The following OR2Z1 variants were observed in gnomAD, a reference collection of about 807,000 sequenced individuals.
OR2Z1 encodes olfactory receptor family 2 subfamily Z member 1, also known as olfactory receptor 2Z1.
For synonymous variants in OR2Z1, 188 were observed against 160.6 expected (o/e 1.17, Z -1.29); for missense variants, 449 against 401.8 (o/e 1.12, Z -1.00).
rs1299177639 is a variant in OR2Z1 at position 8,731,673 on chromosome 19, C to T, written c.645C>T (p.Ala215=). The change falls in exon 3 of 3, where the codon GCC becomes GCT. Residue 215 remains alanine, a synonymous_variant. Transcript: ENST00000641125. ...LILMLPLSLI[A]TSYGHVLQAV... Reference sequence around the variant, plus strand: ...TAATGCTCCCTCTTTCCCTCATCGCCACCTCCTACGGCCACGTGTTGCAGG... The same window carrying T: ...TAATGCTCCCTCTTTCCCTCATCGCTACCTCCTACGGCCACGTGTTGCAGG... 1 of 1,614,052 alleles carries T rather than the reference C, an allele frequency of 6.2e-7. No individual in the cohort carries two copies. Among genetic ancestry groups the T allele is most frequent in the African/African-American group, 1.3e-5 (1 of 74,932 alleles).
Position 8,731,681 on chromosome 19 carries a change from A to G in OR2Z1, c.653A>G (p.Tyr218Cys), listed in dbSNP as rs112257905. The part of the protein sequence containing the change: ...MLPLSLIATS[Y>C]GHVLQAVLSM... ...CCTCTTTCCCTCATCGCCACCTCCT[A>G]CGGCCACGTGTTGCAGGCTGTTCTA... Residue 218 changes from tyrosine to cysteine, a missense_variant, in exon 3 of 3, where the codon TAC (tyrosine) becomes TGC (cysteine). By Grantham distance (194) the Tyr-to-Cys change is radical. Transcript: ENST00000641125. The G allele has an allele frequency of 1.6e-4, 262 of 1,613,752 alleles. 1 individual carries two copies. Among genetic ancestry groups the G allele is most frequent in the Middle Eastern group, 1.2e-3 (7 of 6,062 alleles).
At position 8,731,616 on chromosome 19, in the gene OR2Z1, G is replaced by T; in HGVS notation, c.588G>T (p.Glu196Asp). 1 of 1,614,010 alleles carries T rather than the reference G, an allele frequency of 6.2e-7. No homozygotes were observed. The highest frequency in any genetic ancestry group is 1.1e-5 in the South Asian group (1 of 91,064). The change falls in exon 3 of 3, where the codon GAG becomes GAT. Residue 196 changes from glutamate (E) to aspartate (D), a missense_variant. Coordinates refer to ENST00000641125, the MANE Select transcript of OR2Z1 (RefSeq NM_001004699.3). ...CCTGTGCAGATACCTGTGCCTACGA[G>T]ATGGCGCTGTCCACCTCAGGGGTGC... ...KLSCADTCAY[E>D]MALSTSGVLI...
chr19:8,726,211 C>T (rs781833292), intron 2 of OR2Z1, among the ~76,000 whole-genome samples: 4 of 152,126 alleles, frequency 2.6e-5, no homozygotes, highest in African/African-American at 9.7e-5. Context: ...GTGATCGGCC[C>T]GCCTTGGCCT....
intron 2 of OR2Z1, among the ~76,000 whole-genome samples, chr19:8,724,093 G>A (rs528282203): frequency 7.2e-4 from 109 of 151,504 alleles, no homozygotes; most frequent in Non-Finnish European, 1.3e-3. Flanking sequence ...GCAAGAACAA[G>A]GACTTTGGAA....
Position 8,726,819 on chromosome 19 carries a change from G to A in OR2Z1, c.-170+3669G>A, listed in dbSNP as rs142103889. Among the ~76,000 whole-genome samples the A allele has an allele frequency of 2.4e-3, 371 of 152,286 alleles. 1 individual carries two copies. The highest frequency in any genetic ancestry group is 8.6e-3 in the African/African-American group (356 of 41,554). On this transcript the variant is annotated intron_variant, in intron 2 of 2. Transcript: ENST00000641125. ...TGAGTGAGGAATAATTCCACAGGCA[G>A]CCTCATGACAAAGAGCTCCAGGGAG...
At position 8,731,913 on chromosome 19, in the gene OR2Z1, G is replaced by A. The variant is rs782214728; in HGVS notation, c.885G>A (p.Pro295=). ...LNPLIYSLRN[P]EVWMALVKVL... ...CCCTTATCTACAGTCTGAGGAATCC[G>A]GAGGTGTGGATGGCTTTGGTCAAAG... Residue 295 remains proline, a synonymous_variant, in exon 3 of 3, where the codon CCG becomes CCA. Transcript: ENST00000641125. The A allele has an allele frequency of 5.6e-6, 9 of 1,614,042 alleles. No homozygotes were observed. The African/African-American group carries it at 8.0e-5, about 14-fold the overall frequency.
intron 1 of OR2Z1, 53 bp downstream of exon 1, chr19:8,722,095 A>G (rs2043310017): frequency 1.3e-5 from 2 of 152,182 alleles, no homozygotes; most frequent in Non-Finnish European, 2.9e-5. Flanking sequence ...AGTTCCAACA[A>G]TCATTATTTC....
intron 2 of OR2Z1, among the ~76,000 whole-genome samples, chr19:8,727,776 A>C (rs2145078697): frequency 6.6e-6 from 1 of 152,326 alleles, no homozygotes; most frequent in Non-Finnish European, 1.5e-5. Flanking sequence ...CTGAGGCAGG[A>C]GAATTGCTTG....
chr19:8,726,029 G>C (rs782818849), intron 2 of OR2Z1, among the ~76,000 whole-genome samples: 1 of 151,914 alleles, frequency 6.6e-6, no homozygotes, highest in African/African-American at 2.4e-5. Flanking sequence ...GCAGTGGCAC[G>C]GTCTCGGCTC....
At chr19:8,724,001 TG>T (rs2145075247) in intron 2 of OR2Z1, among the ~76,000 whole-genome samples, 2 of 133,194 alleles carry the variant, frequency 1.5e-5, no homozygotes, top group African/African-American at 8.2e-5. Flanking sequence ...TGTGTGTGTG[TG>T]TGTGTGTGTA....
intron 2 of OR2Z1, among the ~76,000 whole-genome samples, chr19:8,725,557 C>T (rs1181711771): frequency 6.6e-6 from 1 of 152,148 alleles, no homozygotes; most frequent in Non-Finnish European, 1.5e-5. Context: ...TCCCATACAT[C>T]TTTGATTGAC....
At chr19:8,722,124 T>C (rs1360276260) in intron 1 of OR2Z1, 82 bp downstream of exon 1, 1 of 152,146 alleles carries the variant, frequency 6.6e-6, no homozygotes, top group Non-Finnish European at 1.5e-5. Flanking sequence ...GACGTATTCA[T>C]TTAACAACTA....
At chr19:8,730,120 T>C (rs1422061100) in intron 2 of OR2Z1, among the ~76,000 whole-genome samples, 1 of 152,250 alleles carries the variant, frequency 6.6e-6, no homozygotes, top group African/African-American at 2.4e-5. Flanking sequence ...TTCTTTGTTA[T>C]TGTGAATAGT....
At chr19:8,728,410 G>A (rs754028346) in intron 2 of OR2Z1, among the ~76,000 whole-genome samples, 5 of 152,096 alleles carry the variant, frequency 3.3e-5, no homozygotes, top group Non-Finnish European at 7.4e-5. Flanking sequence ...CCCACAGGCC[G>A]CTGCTCTCCC....
chr19:8,731,365 G>C lies in OR2Z1; in HGVS notation c.337G>C (p.Val113Leu). The change falls in exon 3 of 3, where the codon GTC (valine) becomes CTC (leucine). Residue 113 changes from valine to leucine, a missense_variant. Coordinates refer to ENST00000641125, the MANE Select transcript of OR2Z1 (RefSeq NM_001004699.3). ...FLTLMGVAEGVLLVLMSYDRY... is the reference protein window; with the variant it reads ...FLTLMGVAEGLLLVLMSYDRY... Reference sequence around the variant, plus strand: ...CACACTGATGGGTGTGGCTGAGGGCGTCCTGTTGGTCCTCATGTCTTATGA... The same window carrying C: ...CACACTGATGGGTGTGGCTGAGGGCCTCCTGTTGGTCCTCATGTCTTATGA... 1 of 1,614,026 alleles carries C rather than the reference G, an allele frequency of 6.2e-7. No homozygotes were observed. The highest frequency in any genetic ancestry group is 1.6e-4 in the Middle Eastern group (1 of 6,062).
intron 2 of OR2Z1, chr19:8,728,829 G>GGA: frequency 3.1e-6 from 2 of 637,308 alleles, no homozygotes; most frequent in Non-Finnish European, 5.9e-6. Context: ...CTGAATCAGG[G>GGA]TGTTGACCTT....
Position 8,722,841 on chromosome 19 carries a change from C to T in OR2Z1, c.-214-265C>T, listed in dbSNP as rs551897714. ...GAAACATAGCAAGACCGCATCTCTACAAAAAAATTAAAAAATAAAAATTAG... is the reference window on the plus strand; with the variant it reads ...GAAACATAGCAAGACCGCATCTCTATAAAAAAATTAAAAAATAAAAATTAG... On this transcript the variant is annotated intron_variant, in intron 1 of 2. Coordinates refer to ENST00000641125, the MANE Select transcript of OR2Z1 (RefSeq NM_001004699.3). 6.6e-5 allele frequency among the ~76,000 whole-genome samples: 10 copies of T among 152,026 alleles called. 1 individual carries two copies. Among genetic ancestry groups the T allele is most frequent in the African/African-American group, 2.4e-4 (10 of 41,498 alleles).
chr19:8,723,986 GTGTGTGTGTGTGTGTGTGTGTGTGTA>G (rs1280536536), intron 2 of OR2Z1, among the ~76,000 whole-genome samples: 25 of 143,046 alleles, frequency 1.7e-4, no homozygotes, highest in African/African-American at 7.3e-4. Flanking sequence ...GTGTGTGTGT[GTGTGTGTGTGTGTGTGTGTGTGTGTA>G]TGTGTGTGTG....
At chr19:8,723,717 C>A (rs1467627848) in intron 2 of OR2Z1, among the ~76,000 whole-genome samples, 2 of 151,568 alleles carry the variant, frequency 1.3e-5, no homozygotes, top group Non-Finnish European at 2.9e-5. Flanking sequence ...CAAATGTCAA[C>A]CTGTGTGGTT....
Sources: gnomAD v4.1 joint callset for allele counts (sites outside exome capture counted in the v4.1 genomes callset) on GRCh38, gnomAD v4.1.1 for gene constraint, MANE v1.5 for transcripts, NCBI Gene and HGNC (gene_info 2026-07-23, HGNC 2026-07-21) for gene names.